The following NCAPD3 variants were observed in gnomAD, a reference collection of about 807,000 sequenced individuals.
NCAPD3 encodes non-SMC condensin II complex subunit D3.
NCAPD3 carries 105 observed loss-of-function variants against 182.9 expected under a neutral mutation model. That is an observed-to-expected ratio of 0.57 (90% CI 0.49 to 0.68). The LOEUF (loss-of-function observed/expected upper bound fraction) is 0.68. Ranked by LOEUF, NCAPD3 falls within the 30% of genes least tolerant of loss-of-function variation. The pLI, the probability that NCAPD3 is intolerant of heterozygous loss-of-function variation, is 0.00. For missense variants in NCAPD3, 1,944 were observed against 1,837.0 expected, an observed-to-expected ratio of 1.06 and a Z score of -1.07; for synonymous variants, 815 against 679.9, an observed-to-expected ratio of 1.20 and a Z score of -3.09.
intron 3 of NCAPD3, among the ~76,000 whole-genome samples, chr11:134,215,124 C>T (rs958717204): frequency 8.5e-5 from 13 of 152,240 alleles, no homozygotes; most frequent in Middle Eastern, 3.4e-3. Context: ...TGCAGAAAAG[C>T]GAATGACAAA....
At chr11:134,165,320 A>T (rs1292991115) in intron 27 of NCAPD3, among the ~76,000 whole-genome samples, 1 of 151,322 alleles carries the variant, frequency 6.6e-6, no homozygotes, top group Non-Finnish European at 1.5e-5. Context: ...CTCACTTGTG[A>T]CATGAGCTTA....
intron 8 of NCAPD3, 57 bp downstream of exon 8, chr11:134,206,542 G>A: frequency 1.3e-6 from 2 of 1,586,646 alleles, no homozygotes; most frequent in Non-Finnish European, 1.7e-6. Flanking sequence ...CTTAGTGCAG[G>A]GCCCAGAGTA....
Position 134,153,065 on chromosome 11 carries a change from C to A in NCAPD3, c.4389-13G>T, listed in dbSNP as rs1565511870. On this transcript the variant is annotated splice_polypyrimidine_tract_variant and intron_variant, in intron 34 of 34. Coordinates refer to ENST00000534548, the MANE Select transcript of NCAPD3 (RefSeq NM_015261.3). ...AGGCTGTGGGGGCCTAGGGAAAGGA[C>A]ATGTGCAGTCATTCTGGAACTCAGA... The A allele has an allele frequency of 6.2e-7, 1 of 1,609,476 alleles. No individual in the cohort carries two copies. The highest frequency in any genetic ancestry group is 8.5e-7 in the Non-Finnish European group (1 of 1,176,746).
intron 28 of NCAPD3, among the ~76,000 whole-genome samples, chr11:134,161,131 A>AT (rs754999883): frequency 1.7e-4 from 26 of 152,212 alleles, no homozygotes; most frequent in Admixed American, 5.2e-4. Context: ...AAATTGTAGC[A>AT]TTTTTTTGAG....
upstream of NCAPD3, chr11:134,225,453 C>G (rs1189494271): frequency 8.8e-7 from 1 of 1,136,948 alleles, no homozygotes; most frequent in Non-Finnish European, 1.3e-6. Context: ...CGCTTGTCAA[C>G]TGCAGTCTGA....
chr11:134,164,062 G>A (rs1297540510), intron 27 of NCAPD3, among the ~76,000 whole-genome samples: 1 of 152,114 alleles, frequency 6.6e-6, no homozygotes, highest in Non-Finnish European at 1.5e-5. Flanking sequence ...CTTGTGGCAA[G>A]ATATGATCAG....
intron 32 of NCAPD3, among the ~76,000 whole-genome samples, chr11:134,155,346 C>G (rs1943390624): frequency 6.6e-6 from 1 of 152,134 alleles, no homozygotes. Flanking sequence ...ACAGAGAAAA[C>G]AGAACTGAGT....
intron 27 of NCAPD3, among the ~76,000 whole-genome samples, chr11:134,164,067 G>T (rs990262000): frequency 9.9e-5 from 15 of 152,094 alleles, no homozygotes; most frequent in Non-Finnish European, 2.1e-4. Context: ...GGCAAGATAT[G>T]ATCAGAGTCT....
chr11:134,155,373 A>G (rs1014179507), intron 32 of NCAPD3, among the ~76,000 whole-genome samples: 3 of 152,154 alleles, frequency 2.0e-5, no homozygotes, highest in Admixed American at 2.0e-4. Context: ...AAACTATCTA[A>G]CAGTTCTCCC....
At chr11:134,207,626 C>A (rs1232334843) in intron 7 of NCAPD3, among the ~76,000 whole-genome samples, 3 of 151,642 alleles carry the variant, frequency 2.0e-5, no homozygotes, top group Non-Finnish European at 4.4e-5. Context: ...ACCTGTAGTC[C>A]CAGCCACTAG....
In NCAPD3 at chr11:134,153,439, C is replaced by T. The variant is rs77477672; in HGVS notation, c.4253-76G>A. 1.7e-3 allele frequency: 2,550 copies of T among 1,462,236 alleles called. 39 individuals are homozygous for T. The African/African-American group carries it at 0.03, about 17-fold the overall frequency. The allele number at this position is 1,462,236 out of a possible 1,614,324, so 90.6% of individuals were successfully genotyped here. A position where few individuals can be genotyped will look rare whatever the true frequency, so the allele number is the denominator to read the frequency against. On this transcript the variant is annotated intron_variant, in intron 32 of 34. Transcript: ENST00000534548. ...GTCTCTGTTCTAGTTGTCCGTGGGA[C>T]GTAGGCAGGGTGTCCACATCAGTGT...
chr11:134,208,249 CTTA>C (rs1477524605), intron 7 of NCAPD3, among the ~76,000 whole-genome samples: 1 of 152,134 alleles, frequency 6.6e-6, no homozygotes, highest in African/African-American at 2.4e-5. Context: ...TTTGCAAAAT[CTTA>C]TTGTTTCATT....
In NCAPD3 at chr11:134,204,775, C is replaced by A; in HGVS notation, c.1089+124G>T. The A allele has an allele frequency of 4.1e-6, 3 of 723,128 alleles. No individual in the cohort carries two copies. The highest frequency in any genetic ancestry group is 4.4e-6 in the Non-Finnish European group (2 of 456,900). The allele number at this position is 723,128 out of a possible 1,614,324, so 44.8% of individuals were successfully genotyped here. A position where few individuals can be genotyped will look rare whatever the true frequency, so the allele number is the denominator to read the frequency against. On this transcript the variant is annotated intron_variant, in intron 9 of 34. Coordinates refer to ENST00000534548, the MANE Select transcript of NCAPD3 (RefSeq NM_015261.3). This position sits in a 1 kb window ranked among gnomAD's most constrained non-coding sequence, Gnocchi z 4.3. ...CCATCTAGTGAACATTAAATAAAACCACTTTAAGTAACAATGCACACTCAT... is the reference window on the plus strand; with the variant it reads ...CCATCTAGTGAACATTAAATAAAACAACTTTAAGTAACAATGCACACTCAT...
At chr11:134,192,323 T>G (rs902734580) in intron 16 of NCAPD3, among the ~76,000 whole-genome samples, 8 of 152,192 alleles carry the variant, frequency 5.3e-5, no homozygotes, top group African/African-American at 1.9e-4. Flanking sequence ...TCCAATGAGG[T>G]GTTAAAAACA....
At chr11:134,170,617 C>G (rs1483184159) in intron 24 of NCAPD3, among the ~76,000 whole-genome samples, 2 of 152,242 alleles carry the variant, frequency 1.3e-5, no homozygotes, top group Non-Finnish European at 2.9e-5. Flanking sequence ...AGGGTTCCCT[C>G]TGAGTTTGGA....
At chr11:134,224,082 G>A (rs539140258), upstream of NCAPD3, 38 of 875,334 alleles carry the variant, frequency 4.3e-5, no homozygotes, top group African/African-American at 1.4e-4. Flanking sequence ...ACCAATCACC[G>A]GCGTCGTCCG....
intron 26 of NCAPD3, 43 bp downstream of exon 26, chr11:134,168,426 A>T (rs771135680): frequency 6.2e-7 from 1 of 1,610,690 alleles, no homozygotes; most frequent in Non-Finnish European, 8.5e-7. Flanking sequence ...ACAGCATTTC[A>T]TTTGCAAACA....
intron 8 of NCAPD3, among the ~76,000 whole-genome samples, chr11:134,205,568 G>T (rs1178879807): frequency 1.3e-5 from 2 of 151,950 alleles, no homozygotes; most frequent in African/African-American, 2.4e-5. Context: ...GTAGAGACAG[G>T]GTTTCACCAT....
At chr11:134,212,960 G>A (rs1346851267) in intron 3 of NCAPD3, among the ~76,000 whole-genome samples, 1 of 152,144 alleles carries the variant, frequency 6.6e-6, no homozygotes, top group Non-Finnish European at 1.5e-5. Context: ...CAGCTACATT[G>A]ATAATTACTC....
Sources: gnomAD v4.1 joint callset for allele counts (sites outside exome capture counted in the v4.1 genomes callset) on GRCh38, gnomAD v4.1.1 for gene constraint, Gnocchi (gnomAD v3.1) non-coding constraint, MANE v1.5 for transcripts, NCBI Gene and HGNC (gene_info 2026-07-23, HGNC 2026-07-21) for gene names.